Variants in RABGAP1L observed in about 807,000 individuals in gnomAD.
RABGAP1L encodes the protein RAB GTPase activating protein 1 like.
RABGAP1L carries 63 observed loss-of-function variants against 137.7 expected under a neutral mutation model. The observed-to-expected ratio is 0.46, with a 90% CI of 0.37 to 0.56. The LOEUF is 0.56. Among genes scored for constraint, RABGAP1L ranks in the 20% least tolerant of loss-of-function variants. The probability of loss-of-function intolerance (pLI) is 0.00; values close to 1 mark genes in which losing one functional copy is unlikely to be tolerated. For synonymous variants in RABGAP1L, 431 were observed against 433.7 expected, an observed-to-expected ratio of 0.99 and a Z score of 0.08; for missense variants, 1,095 against 1,244.0, an observed-to-expected ratio of 0.88 and a Z score of 1.80.
intron 10 of RABGAP1L, among the ~76,000 whole-genome samples, chr1:174,301,978 G>T (rs1677748946): frequency 6.6e-6 from 1 of 152,102 alleles, no homozygotes; most frequent in Non-Finnish European, 1.5e-5. Flanking sequence ...TGAAGGTGGG[G>T]TTTCACTGGG....
At chr1:174,161,745 AAG>A (rs1664476612) in intron 1 of RABGAP1L, among the ~76,000 whole-genome samples, 1 of 151,004 alleles carries the variant, frequency 6.6e-6, no homozygotes, top group African/African-American at 2.4e-5. Context: ...GTTTCTTTTA[AAG>A]AGACAAGGTC....
intron 17 of RABGAP1L, among the ~76,000 whole-genome samples, chr1:174,703,529 A>G (rs940596094): frequency 1.3e-5 from 2 of 152,202 alleles, no homozygotes; most frequent in Admixed American, 6.5e-5. Flanking sequence ...TGCTATTATA[A>G]ATAGTGCTGC....
chr1:174,419,783 T>C (rs554658670), intron 13 of RABGAP1L, among the ~76,000 whole-genome samples: 1 of 152,330 alleles, frequency 6.6e-6, no homozygotes, highest in South Asian at 2.1e-4. Flanking sequence ...ACATTTGTCT[T>C]TTATTTGATG....
chr1:174,631,717 C>A (rs1181244120), intron 13 of RABGAP1L, among the ~76,000 whole-genome samples: 1 of 124,230 alleles, frequency 8.0e-6, no homozygotes, highest in Non-Finnish European at 1.7e-5. Context: ...GATTGCAACC[C>A]CTGCCTTTTT....
chr1:174,614,836 C>T (rs894011005), intron 13 of RABGAP1L, among the ~76,000 whole-genome samples: 1 of 152,072 alleles, frequency 6.6e-6, no homozygotes, highest in African/African-American at 2.4e-5. Flanking sequence ...TTTGATCTTC[C>T]ATCACTGATA....
chr1:174,241,319 C>CAAACAAAACA (rs143230337), intron 4 of RABGAP1L, among the ~76,000 whole-genome samples, 164 bp from the exon 5 acceptor site: 4 of 150,596 alleles, frequency 2.7e-5, no homozygotes, highest in African/African-American at 9.8e-5. Flanking sequence ...AACTCTGTTT[C>CAAACAAAACA]AAACAAAACA....
intron 4 of RABGAP1L, among the ~76,000 whole-genome samples, chr1:174,234,054 T>G (rs1201286116): frequency 2.2e-5 from 3 of 135,700 alleles, no homozygotes; most frequent in Non-Finnish European, 4.5e-5. Context: ...TTTGGCTGCA[T>G]AAATGTCTTC....
intron 13 of RABGAP1L, among the ~76,000 whole-genome samples, chr1:174,403,961 A>G (rs539661328): frequency 4.6e-5 from 7 of 152,300 alleles, no homozygotes; most frequent in Non-Finnish European, 1.0e-4. Context: ...ACTGTGTTAT[A>G]TAATCAAGAC....
chr1:174,393,001 C>T (rs1264962029), intron 12 of RABGAP1L, among the ~76,000 whole-genome samples: 3 of 152,158 alleles, frequency 2.0e-5, no homozygotes, highest in Non-Finnish European at 4.4e-5. Context: ...AAAAAGATGA[C>T]AAATGAAATT....
intron 14 of RABGAP1L, among the ~76,000 whole-genome samples, chr1:174,682,824 A>C (rs555169407): frequency 6.6e-6 from 1 of 152,372 alleles, no homozygotes; most frequent in South Asian, 2.1e-4. Flanking sequence ...GCTGTACTCC[A>C]GATGGCCTGG....
At position 174,301,102 on chromosome 1, in the gene RABGAP1L, A is replaced by G. The variant is rs962635954; in HGVS notation, c.1324-3884A>G. 4.6e-5 allele frequency among the ~76,000 whole-genome samples: 7 copies of G among 152,102 alleles called. 1 individual carries two copies. The South Asian group carries it at 1.5e-3, about 32-fold the overall frequency. Reference sequence around the variant, plus strand: ...GATCCCACGGCCACTGTGACTGTGTATTCAACCTCTGGTTGGAGGTGGGGT... The same window carrying G: ...GATCCCACGGCCACTGTGACTGTGTGTTCAACCTCTGGTTGGAGGTGGGGT... On this transcript the variant is annotated intron_variant, in intron 10 of 25. Coordinates refer to ENST00000681986, the MANE Select transcript of RABGAP1L (RefSeq NM_001366446.1).
chr1:174,490,960 C>T (rs553199049), intron 13 of RABGAP1L, among the ~76,000 whole-genome samples: 1 of 152,228 alleles, frequency 6.6e-6, no homozygotes, highest in African/African-American at 2.4e-5. Context: ...ACTCACCCTT[C>T]AGGGTGGTGG....
chr1:174,219,498 T>C (rs1419456388), intron 2 of RABGAP1L, among the ~76,000 whole-genome samples: 1 of 152,128 alleles, frequency 6.6e-6, no homozygotes, highest in African/African-American at 2.4e-5. Flanking sequence ...TTTGGAATTT[T>C]AGGGGGAAGA....
chr1:174,496,281 G>A (rs995846599), intron 13 of RABGAP1L, among the ~76,000 whole-genome samples: 1 of 152,198 alleles, frequency 6.6e-6, no homozygotes, highest in Non-Finnish European at 1.5e-5. Flanking sequence ...CCGTAGGTCA[G>A]TGTCTTTATT....
At chr1:174,436,955 A>T (rs1653415584) in intron 13 of RABGAP1L, among the ~76,000 whole-genome samples, 1 of 152,276 alleles carries the variant, frequency 6.6e-6, no homozygotes, top group Non-Finnish European at 1.5e-5. Context: ...ACCCAGGCAA[A>T]CAGGGTCTGG....
chr1:174,918,521 G>A (rs1015059649), intron 19 of RABGAP1L, among the ~76,000 whole-genome samples: 1 of 152,114 alleles, frequency 6.6e-6, no homozygotes, highest in Admixed American at 6.5e-5. Context: ...GGTGGCTCAC[G>A]CCTGCAATCC....
chr1:174,971,397 A>G (rs1184596642), intron 21 of RABGAP1L, among the ~76,000 whole-genome samples: 1 of 152,074 alleles, frequency 6.6e-6, no homozygotes, highest in Non-Finnish European at 1.5e-5. Context: ...TCCTGAAGTA[A>G]TTGATTATTG....
intron 13 of RABGAP1L, among the ~76,000 whole-genome samples, chr1:174,454,929 T>A (rs973519008): frequency 6.6e-6 from 1 of 152,188 alleles, no homozygotes; most frequent in African/African-American, 2.4e-5. Flanking sequence ...AAGATGGCTC[T>A]GCGTTAGGAA....
At chr1:174,321,657 A>G (rs183987062) in intron 11 of RABGAP1L, among the ~76,000 whole-genome samples, 404 of 152,318 alleles carry the variant, frequency 2.7e-3, no homozygotes, top group Admixed American at 4.2e-3. Context: ...TTTCACTTGG[A>G]AAAATACCTA....
Sources: allele counts gnomAD v4.1 joint callset (sites outside exome capture counted in the v4.1 genomes callset), GRCh38; gene constraint gnomAD v4.1.1; transcripts MANE v1.5; gene names NCBI Gene and HGNC (gene_info 2026-07-23, HGNC 2026-07-21).